UBN2: variants seen among roughly 807,000 people sequenced by gnomAD.
The protein encoded by UBN2 is ubinuclein 2.
UBN2 carries 35 observed loss-of-function variants against 120.2 expected under a neutral mutation model. That is an observed-to-expected ratio of 0.29 (90% CI 0.22 to 0.39). UBN2 has a LOEUF of 0.39. UBN2 is among the 10% of genes least tolerant of loss of function. UBN2 has a pLI of 1.00. For synonymous variants in UBN2, 661 were observed against 648.7 expected (o/e 1.02, Z -0.29); for missense variants, 1,693 against 1,663.2 (o/e 1.02, Z -0.31).
At chr7:139,330,092 G>C in the UBN2 span, among the ~76,000 whole-genome samples, 1 of 152,116 alleles carries the variant, frequency 6.6e-6, no homozygotes, top group Non-Finnish European at 1.5e-5. Context: ...CCCCAGAAAA[G>C]AGTTTTCTTG....
chr7:139,269,711 T>G (rs59821385), intron 8 of UBN2, among the ~76,000 whole-genome samples, 188 bp downstream of exon 8: 3,012 of 152,340 alleles, frequency 0.02, 106 homozygotes, highest in African/African-American at 0.068. Context: ...TTGTTAAGTT[T>G]AGATGAGAAA....
chr7:139,278,923 C>T (rs1287166625), intron 12 of UBN2, among the ~76,000 whole-genome samples: 1 of 151,718 alleles, frequency 6.6e-6, no homozygotes, highest in Non-Finnish European at 1.5e-5. Context: ...TGAATTTTTA[C>T]ATTACAAAAA....
intron 3 of UBN2, among the ~76,000 whole-genome samples, chr7:139,252,785 TAAAA>T (rs985959115): frequency 6.6e-6 from 1 of 150,794 alleles, no homozygotes; most frequent in East Asian, 1.9e-4. Flanking sequence ...ATAAGTTTCT[TAAAA>T]AAAAAGAGAA....
At chr7:139,254,845 C>T (rs1233641132) in intron 3 of UBN2, among the ~76,000 whole-genome samples, 1 of 152,122 alleles carries the variant, frequency 6.6e-6, no homozygotes, top group African/African-American at 2.4e-5. Flanking sequence ...ACAGAGTTTC[C>T]ATGAACACCT....
Position 139,283,817 on chromosome 7 carries a change from T to C in UBN2, c.2912T>C (p.Ile971Thr), listed in dbSNP as rs541647627. 2.7e-5 allele frequency: 44 copies of C among 1,614,150 alleles called. 2 individuals are homozygous for C. In the East Asian group the frequency reaches 3.6e-4, roughly 13 times the overall value. ...NPQLSCSSSL[I>T]KTSDKPLMYR... ...CAACTCTCCTGTTCCTCCTCACTTATTAAGACTTCAGATAAGCCACTTATG... is the reference window on the plus strand; with the variant it reads ...CAACTCTCCTGTTCCTCCTCACTTACTAAGACTTCAGATAAGCCACTTATG... The change falls in exon 15 of 18, where the codon ATT becomes ACT. Residue 971 changes from isoleucine (I) to threonine (T), a missense_variant. Around this residue, in one of 5 missense-constraint regions of UBN2, gnomAD observed 837 missense variants for 817.6 expected, o/e 1.02. Transcript: ENST00000473989.
chr7:139,276,321 C>A (rs918672627), intron 12 of UBN2, 174 bp downstream of exon 12: 1 of 638,936 alleles, frequency 1.6e-6, no homozygotes. Context: ...AGGGTACTCT[C>A]TAAACACCTA....
rs1056227798 is a variant in UBN2, at chr7:139,300,910, CATTATAATTCA to C, written c.*3085_*3095del. 1.3e-5 allele frequency: 2 copies of C among 152,104 alleles called. No individual in the cohort carries two copies. Among genetic ancestry groups the C allele is most frequent in the Non-Finnish European group, 2.9e-5 (2 of 68,024 alleles). The allele number at this position is 152,104 out of a possible 1,614,324, so 9.4% of individuals were successfully genotyped here. On this transcript the variant is annotated 3_prime_UTR_variant, in exon 18 of 18. Transcript: ENST00000473989. ...CAGAATAAATGCAAGCAATAATTTC[CATTATAATTCA>C]ATTATAATTCTTGTATGCTTTTGAG... is the stretch of plus-strand genomic sequence containing the variant.
chr7:139,244,154 G>C (rs1158533336), intron 2 of UBN2, among the ~76,000 whole-genome samples: 2 of 152,104 alleles, frequency 1.3e-5, no homozygotes, highest in Non-Finnish European at 2.9e-5. Flanking sequence ...GTGTATGTGG[G>C]CAGTCACATA....
intron 6 of UBN2, among the ~76,000 whole-genome samples, chr7:139,266,030 A>C (rs994717885): frequency 6.7e-6 from 1 of 150,326 alleles, no homozygotes; most frequent in South Asian, 2.1e-4. Context: ...GTTCATCACA[A>C]CTCATTTGGT....
intron 15 of UBN2, among the ~76,000 whole-genome samples, chr7:139,287,101 T>G (rs1797812975): frequency 6.6e-6 from 1 of 152,072 alleles, no homozygotes; most frequent in African/African-American, 2.4e-5. Flanking sequence ...AGGCCTTCCC[T>G]TATGAAAAAA....
In UBN2 at chr7:139,235,292, C is replaced by T. The variant is rs184437694; in HGVS notation, c.469-1713C>T. Among the ~76,000 whole-genome samples, 425 of 152,330 alleles carry T rather than the reference C, an allele frequency of 2.8e-3. 6 individuals are homozygous for T. The highest frequency in any genetic ancestry group is 1.9e-3 in the Non-Finnish European group (132 of 68,032). The stretch of plus-strand genomic sequence containing the variant: ...CCTTAACCTGAGCCTCTGGTTAAGG[C>T]TACACCCTGGACATGCCTAGGATTC... On this transcript the variant is annotated intron_variant, in intron 1 of 17. Transcript: ENST00000473989.
downstream of UBN2, among the ~76,000 whole-genome samples, chr7:139,311,116 T>C (rs186544626): frequency 1.3e-5 from 2 of 152,304 alleles, no homozygotes; most frequent in East Asian, 3.9e-4. Context: ...AGAAAATCAG[T>C]CTTTTATTTA....
chr7:139,319,598 T>C, the UBN2 span, among the ~76,000 whole-genome samples: 2 of 151,836 alleles, frequency 1.3e-5, no homozygotes, highest in Non-Finnish European at 2.9e-5. Flanking sequence ...CTCTAAAAAA[T>C]CAAAAATGAT....
the UBN2 span, among the ~76,000 whole-genome samples, chr7:139,326,939 C>T: frequency 6.6e-6 from 1 of 152,254 alleles, no homozygotes; most frequent in African/African-American, 2.4e-5. Context: ...GGCTGTGTCA[C>T]TCCCAAGCCT....
intron 1 of UBN2, among the ~76,000 whole-genome samples, chr7:139,232,282 C>T (rs566790134): frequency 6.6e-6 from 1 of 152,392 alleles, no homozygotes. Context: ...AATCCTGGGG[C>T]CCTGCAGGCC....
At chr7:139,265,455 G>A (rs780420988) in intron 6 of UBN2, among the ~76,000 whole-genome samples, 1 of 152,116 alleles carries the variant, frequency 6.6e-6, no homozygotes, top group Non-Finnish European at 1.5e-5. Context: ...TCCAGCCTGG[G>A]CGACAGAGTA....
chr7:139,259,791 CAG>C (rs1318282399), intron 5 of UBN2, among the ~76,000 whole-genome samples: 4 of 152,198 alleles, frequency 2.6e-5, no homozygotes, highest in Non-Finnish European at 5.9e-5. Flanking sequence ...CTGTATCACC[CAG>C]GCTGAAGTGC....
chr7:139,293,531 T>G, intron 16 of UBN2, 68 bp downstream of exon 16: 1 of 1,390,856 alleles, frequency 7.2e-7, no homozygotes, highest in Non-Finnish European at 1.0e-6. Context: ...ACAAATTTAT[T>G]CTAATTAAGA....
rs1797301204 is a variant in UBN2, at chr7:139,272,333, A to G, written c.1608A>G (p.Leu536=). The G allele has an allele frequency of 6.2e-7, 1 of 1,610,960 alleles. No individual in the cohort carries two copies. The highest frequency in any genetic ancestry group is 1.7e-5 in the Admixed American group (1 of 59,210). ...KLHLNVQDDR[L]REPLQKLKLA... is the part of the protein sequence containing the mutation. The stretch of plus-strand genomic sequence containing the variant: ...GTTTTTCTTTTTAGGATGATCGTTT[A>G]AGAGAACCTCTGCAAAAACTGAAAC... The change falls in exon 9 of 18, where the codon TTA becomes TTG. Residue 536 remains leucine, a synonymous_variant. Coordinates refer to ENST00000473989, the MANE Select transcript of UBN2 (RefSeq NM_173569.4).
Sources: allele counts gnomAD v4.1 joint callset (sites outside exome capture counted in the v4.1 genomes callset), GRCh38; gene constraint gnomAD v4.1.1; regional missense constraint gnomAD v4.1.1; transcripts MANE v1.5; gene names NCBI Gene and HGNC (gene_info 2026-07-23, HGNC 2026-07-21).